Variants in COL23A1 observed in about 807,000 individuals in gnomAD.
COL23A1 encodes collagen type XXIII alpha 1 chain, also known as collagen alpha-1(XXIII) chain.
In COL23A1, 97 loss-of-function variants were observed where a neutral mutation model predicts 99.3. The ratio of observed to expected loss-of-function variants is 0.98; its 90% CI spans 0.83 to 1.16. The LOEUF is 1.16. COL23A1 is among the 50% of genes most tolerant of loss of function. The pLI is 0.00. For synonymous variants in COL23A1, 320 were observed against 308.2 expected (o/e 1.04, Z -0.40); for missense variants, 762 against 757.4 (o/e 1.01, Z -0.07).
intron 2 of COL23A1, among the ~76,000 whole-genome samples, chr5:178,532,473 G>A (rs999804204): frequency 4.6e-5 from 7 of 152,078 alleles, no homozygotes; most frequent in African/African-American, 1.2e-4. Flanking sequence ...GCCGAGCCCC[G>A]AGAAGATGCA....
At chr5:178,318,576 G>C (rs534175775) in intron 2 of COL23A1, among the ~76,000 whole-genome samples, 4 of 152,326 alleles carry the variant, frequency 2.6e-5, no homozygotes, top group African/African-American at 9.6e-5. Flanking sequence ...CAGCAGACCT[G>C]GACAGGAAGG....
intron 2 of COL23A1, among the ~76,000 whole-genome samples, chr5:178,546,386 G>C (rs542741168): frequency 2.6e-5 from 4 of 152,180 alleles, no homozygotes; most frequent in Non-Finnish European, 5.9e-5. Flanking sequence ...AGAGGAGCTG[G>C]TTTCTGTTGC....
rs1472296282 is a variant in COL23A1 at position 178,486,712 on chromosome 5, G to A, written c.361+73970C>T. ...TAAACAGCCAAAGAAAACCCAAAGC[G>A]TACTTCAGACATGCCAAGGCCAAGA... On this transcript the variant is annotated intron_variant, in intron 2 of 28. Transcript: ENST00000390654. Among the ~76,000 whole-genome samples, 8 of 152,122 alleles carry A rather than the reference G, an allele frequency of 5.3e-5. No homozygotes were observed. In the East Asian group the frequency reaches 5.8e-4, roughly 11 times the overall value.
intron 1 of COL23A1, among the ~76,000 whole-genome samples, chr5:178,568,355 T>A (rs867881294): frequency 5.0e-4 from 74 of 146,694 alleles, no homozygotes; most frequent in Middle Eastern, 3.4e-3. Flanking sequence ...AATTTAGTTT[T>A]AAAAAAAAAA....
intron 27 of COL23A1, among the ~76,000 whole-genome samples, chr5:178,240,528 GT>G (rs1764339198): frequency 6.6e-6 from 1 of 152,204 alleles, no homozygotes; most frequent in Non-Finnish European, 1.5e-5. Flanking sequence ...GCCTCCGCAC[GT>G]GGGATTCTCC....
intron 2 of COL23A1, among the ~76,000 whole-genome samples, chr5:178,546,162 C>T (rs1479821007): frequency 1.3e-5 from 2 of 152,100 alleles, no homozygotes; most frequent in African/African-American, 4.8e-5. Flanking sequence ...CTCTATCTCC[C>T]CTCCACCTCA....
rs372488085 is a variant in COL23A1 at position 178,571,940 on chromosome 5, C to T, written c.295-11192G>A. On this transcript the variant is annotated intron_variant, in intron 1 of 28. Transcript: ENST00000390654. ...AAAACTAGCTGGGTGTGGTGGCGGG[C>T]GCCTGTAGTCCCAGCTACTCGGGAG... 1.3e-3 allele frequency among the ~76,000 whole-genome samples: 201 copies of T among 151,890 alleles called. 2 individuals carry two copies. The highest frequency in any genetic ancestry group is 0.012 in the South Asian group (59 of 4,788).
chr5:178,336,358 G>A (rs1291167146), intron 2 of COL23A1, among the ~76,000 whole-genome samples: 1 of 152,214 alleles, frequency 6.6e-6, no homozygotes, highest in Non-Finnish European at 1.5e-5. Flanking sequence ...CCTGATGAAT[G>A]GGTAAACAAA....
At chr5:178,565,168 A>G (rs1003428184) in intron 1 of COL23A1, among the ~76,000 whole-genome samples, 1 of 152,202 alleles carries the variant, frequency 6.6e-6, no homozygotes, top group Admixed American at 6.5e-5. Flanking sequence ...TAACAAAACA[A>G]CCCACATGGG....
intron 2 of COL23A1, among the ~76,000 whole-genome samples, chr5:178,410,401 C>A (rs1764998784): frequency 6.6e-6 from 1 of 152,142 alleles, no homozygotes; most frequent in African/African-American, 2.4e-5. Context: ...AGCAAGAGGG[C>A]TTGAATAGCC....
At chr5:178,560,796 C>A in intron 1 of COL23A1, 48 bp from the exon 2 acceptor site, 4 of 1,557,888 alleles carry the variant, frequency 2.6e-6, no homozygotes, top group Non-Finnish European at 3.5e-6. Flanking sequence ...GAATGAGTTT[C>A]AGAACAGAGA....
At chr5:178,272,369 G>A (rs1019608781) in intron 5 of COL23A1, among the ~76,000 whole-genome samples, 4 of 152,214 alleles carry the variant, frequency 2.6e-5, no homozygotes, top group Admixed American at 2.6e-4. Context: ...GCCACTCCAC[G>A]TGGGGCTCGC....
At chr5:178,502,359 C>A (rs1342799140) in intron 2 of COL23A1, among the ~76,000 whole-genome samples, 1 of 152,230 alleles carries the variant, frequency 6.6e-6, no homozygotes, top group African/African-American at 2.4e-5. Context: ...TCTCGATCTT[C>A]TGACCTTGTG....
intron 2 of COL23A1, among the ~76,000 whole-genome samples, chr5:178,505,688 A>G (rs1758827541): frequency 6.6e-6 from 1 of 152,212 alleles, no homozygotes; most frequent in Admixed American, 6.5e-5. Context: ...TTAGGACTTC[A>G]GCATCTTTTT....
At chr5:178,566,459 A>C (rs1762845725) in intron 1 of COL23A1, among the ~76,000 whole-genome samples, 1 of 152,224 alleles carries the variant, frequency 6.6e-6, no homozygotes, top group African/African-American at 2.4e-5. Context: ...GCATAACCTC[A>C]CTGAAGGTTG....
At chr5:178,526,201 A>G (rs554736574) in intron 2 of COL23A1, among the ~76,000 whole-genome samples, 2 of 152,242 alleles carry the variant, frequency 1.3e-5, no homozygotes, top group South Asian at 4.1e-4. Context: ...CCTTTCCAAA[A>G]TCCTTCCCAT....
intron 6 of COL23A1, among the ~76,000 whole-genome samples, chr5:178,269,882 C>T (rs1028999749): frequency 6.6e-6 from 1 of 152,304 alleles, no homozygotes; most frequent in Admixed American, 6.5e-5. Context: ...TTTAATTGTG[C>T]TTATGTCTCC....
At chr5:178,533,295 C>T (rs186909107) in intron 2 of COL23A1, among the ~76,000 whole-genome samples, 14 of 152,330 alleles carry the variant, frequency 9.2e-5, no homozygotes, top group Middle Eastern at 6.8e-3. Flanking sequence ...CACCACCATC[C>T]GTTGCTAGAA....
In COL23A1 at chr5:178,366,226, G is replaced by A. The variant is rs1340744710; in HGVS notation, c.362-59307C>T. Among the ~76,000 whole-genome samples the A allele has an allele frequency of 2.0e-5, 3 of 152,182 alleles. No homozygotes were observed. The highest frequency in any genetic ancestry group is 2.9e-5 in the Non-Finnish European group (2 of 68,030). On this transcript the variant is annotated intron_variant, in intron 2 of 28. Coordinates refer to ENST00000390654, the MANE Select transcript of COL23A1 (RefSeq NM_173465.4). This position sits in a 1 kb window ranked among gnomAD's most constrained non-coding sequence, Gnocchi z 4.4. Reference sequence around the variant, plus strand: ...GGTTCACTCTGCAACTCTGCTGGCTGAAGGGCCTGCTCCCAGCCCAGCTTG... The same window carrying A: ...GGTTCACTCTGCAACTCTGCTGGCTAAAGGGCCTGCTCCCAGCCCAGCTTG...
Sources: allele counts gnomAD v4.1 joint callset (sites outside exome capture counted in the v4.1 genomes callset), GRCh38; gene constraint gnomAD v4.1.1; non-coding constraint Gnocchi (gnomAD v3.1); transcripts MANE v1.5; gene names NCBI Gene and HGNC (gene_info 2026-07-23, HGNC 2026-07-21).